CTNND2: variants seen among roughly 807,000 people sequenced by gnomAD.
The protein encoded by CTNND2 is catenin delta 2, also known as catenin delta-2.
In CTNND2, 22 loss-of-function variants were observed where a neutral mutation model predicts 144.4. The observed-to-expected ratio is 0.15, with a 90% CI of 0.11 to 0.22. CTNND2 has a LOEUF of 0.22. CTNND2 is among the 10% of genes least tolerant of loss of function. CTNND2 has a pLI of 1.00. For synonymous variants in CTNND2, 751 were observed against 695.6 expected, an observed-to-expected ratio of 1.08 and a Z score of -1.25; for missense variants, 1,353 against 1,618.8, an observed-to-expected ratio of 0.84 and a Z score of 2.82.
chr5:11,430,616 T>C (rs1482907414), intron 3 of CTNND2, among the ~76,000 whole-genome samples: 1 of 152,194 alleles, frequency 6.6e-6, no homozygotes, highest in African/African-American at 2.4e-5. Flanking sequence ...ACTTAGAATG[T>C]CAATTTAGTA....
chr5:11,707,065 G>A (rs1160680870), intron 2 of CTNND2, among the ~76,000 whole-genome samples: 3 of 148,020 alleles, frequency 2.0e-5, no homozygotes, highest in African/African-American at 2.5e-5. Context: ...CAGCCTGGGA[G>A]ACAGAGCAAT....
intron 2 of CTNND2, 61 bp from the exon 3 acceptor site, chr5:11,565,117 C>A: frequency 8.9e-7 from 1 of 1,123,010 alleles, no homozygotes; most frequent in South Asian, 1.3e-5. Context: ...AAATTCAGAC[C>A]AAAATAATAG....
intron 3 of CTNND2, among the ~76,000 whole-genome samples, chr5:11,480,513 T>C (rs1272618413): frequency 1.3e-5 from 2 of 152,168 alleles, no homozygotes; most frequent in African/African-American, 4.8e-5. Flanking sequence ...ATAACTCCCT[T>C]CAAACTCCCA....
chr5:11,044,891 C>T (rs1193734819), intron 16 of CTNND2, among the ~76,000 whole-genome samples: 1 of 152,204 alleles, frequency 6.6e-6, no homozygotes, highest in Non-Finnish European at 1.5e-5. Context: ...CAGGGTAGTG[C>T]CCCCTTGGGC....
intron 3 of CTNND2, among the ~76,000 whole-genome samples, chr5:11,473,946 C>T (rs1014544307): frequency 5.9e-5 from 9 of 152,328 alleles, no homozygotes; most frequent in African/African-American, 1.7e-4. Flanking sequence ...TTTAAGCTTC[C>T]GCATCATCTT....
chr5:11,822,722 C>T (rs907248293), intron 1 of CTNND2, among the ~76,000 whole-genome samples: 7 of 152,060 alleles, frequency 4.6e-5, no homozygotes, highest in Non-Finnish European at 8.8e-5. Flanking sequence ...ATGAAGGAGA[C>T]CTCTGACCAA....
chr5:11,644,823 G>T (rs1209556771), intron 2 of CTNND2, among the ~76,000 whole-genome samples: 1 of 152,136 alleles, frequency 6.6e-6, no homozygotes, highest in Non-Finnish European at 1.5e-5. Flanking sequence ...AAGTCAAACT[G>T]TGGATAACTA....
At chr5:11,503,277 C>T (rs769072264) in intron 3 of CTNND2, among the ~76,000 whole-genome samples, 50 of 152,182 alleles carry the variant, frequency 3.3e-4, no homozygotes, top group African/African-American at 1.1e-3. Flanking sequence ...TATATTGTTA[C>T]GCTTAGTGAG....
Position 11,244,026 on chromosome 5 carries a change from G to A in CTNND2, c.1629-7203C>T, listed in dbSNP as rs549658036. 1.4e-4 allele frequency among the ~76,000 whole-genome samples: 22 copies of A among 152,226 alleles called. No homozygotes were observed. The South Asian group carries it at 4.1e-3, about 29-fold the overall frequency. On this transcript the variant is annotated intron_variant, in intron 9 of 21. Coordinates refer to ENST00000304623, the MANE Select transcript of CTNND2 (RefSeq NM_001332.4). ...CTCAAAATGTTTTAAAGACTGTACC[G>A]ATTTTGACTTTCATATTTAGAGTCA...
intron 9 of CTNND2, among the ~76,000 whole-genome samples, chr5:11,323,911 A>G (rs1752290041): frequency 6.6e-6 from 1 of 152,092 alleles, no homozygotes; most frequent in Non-Finnish European, 1.5e-5. Context: ...TTCCCCAGCG[A>G]GGAATGGGGA....
chr5:11,741,453 C>T (rs1046869385), intron 1 of CTNND2, among the ~76,000 whole-genome samples: 2 of 152,006 alleles, frequency 1.3e-5, no homozygotes, highest in African/African-American at 4.8e-5. Flanking sequence ...TCATTCTAAG[C>T]AAACTATCAC....
intron 12 of CTNND2, among the ~76,000 whole-genome samples, chr5:11,128,420 T>C (rs956182499): frequency 2.6e-5 from 4 of 152,030 alleles, no homozygotes; most frequent in African/African-American, 9.7e-5. Context: ...AGCACCTTGA[T>C]TTTAAACCAG....
At chr5:11,035,197 C>T (rs993268711) in intron 16 of CTNND2, among the ~76,000 whole-genome samples, 2 of 152,150 alleles carry the variant, frequency 1.3e-5, no homozygotes, top group Non-Finnish European at 2.9e-5. Context: ...TATTATTTCA[C>T]AGTTCTGCAG....
chr5:11,513,203 A>G (rs538376350), intron 3 of CTNND2, among the ~76,000 whole-genome samples: 3 of 152,208 alleles, frequency 2.0e-5, no homozygotes, highest in East Asian at 1.9e-4. Context: ...GCACAACTCA[A>G]TGCATCCCTT....
chr5:11,178,328 T>C (rs1363420571), intron 11 of CTNND2, among the ~76,000 whole-genome samples: 1 of 152,226 alleles, frequency 6.6e-6, no homozygotes, highest in Non-Finnish European at 1.5e-5. Flanking sequence ...AGGAATACTC[T>C]TGAAGCCTGG....
intron 3 of CTNND2, among the ~76,000 whole-genome samples, chr5:11,537,147 T>C (rs1291130921): frequency 6.6e-6 from 1 of 151,974 alleles, no homozygotes; most frequent in Non-Finnish European, 1.5e-5. Flanking sequence ...AAGCAGAAGA[T>C]ACTATTGACT....
At chr5:11,097,069 T>C (rs770220986) in intron 15 of CTNND2, among the ~76,000 whole-genome samples, 14 of 152,180 alleles carry the variant, frequency 9.2e-5, no homozygotes, top group Non-Finnish European at 1.6e-4. Context: ...GTGCATGATG[T>C]AGAGTGAGGC....
chr5:11,017,916 C>A, intron 18 of CTNND2, 58 bp downstream of exon 18: 1 of 1,345,108 alleles, frequency 7.4e-7, no homozygotes, highest in African/African-American at 1.4e-5. Flanking sequence ...GTCTGTGACG[C>A]CTCTCAGGGT....
intron 12 of CTNND2, among the ~76,000 whole-genome samples, chr5:11,128,799 A>ATAG (rs1754994480): frequency 1.7e-5 from 1 of 58,210 alleles, no homozygotes; most frequent in South Asian, 4.3e-4. Flanking sequence ...TATATATTAT[A>ATAG]TATATACAAT....
Sources: allele counts gnomAD v4.1 joint callset (sites outside exome capture counted in the v4.1 genomes callset), GRCh38; gene constraint gnomAD v4.1.1; transcripts MANE v1.5; gene names NCBI Gene and HGNC (gene_info 2026-07-23, HGNC 2026-07-21).